The following PCBD2 variants were observed in gnomAD, a reference collection of about 807,000 sequenced individuals.
PCBD2 encodes the protein pterin-4-alpha-carbinolamine dehydratase 2.
In PCBD2, 12 loss-of-function variants were observed where a neutral mutation model predicts 16.4. The ratio of observed to expected loss-of-function variants is 0.73; its 90% CI spans 0.47 to 1.19. PCBD2 has a LOEUF of 1.19. Among genes scored for constraint, PCBD2 ranks in the 50% most tolerant of loss-of-function variants. PCBD2 has a pLI of 0.00. For synonymous variants in PCBD2, 58 were observed against 61.8 expected (o/e 0.94, Z 0.29); for missense variants, 138 against 156.8 (o/e 0.88, Z 0.64).
intron 2 of PCBD2, among the ~76,000 whole-genome samples, chr5:134,912,769 G>A (rs1750783941): frequency 6.6e-6 from 1 of 152,204 alleles, no homozygotes; most frequent in South Asian, 2.1e-4. Context: ...GTTGATGTTC[G>A]AAAGGAGAGC....
chr5:134,950,755 G>A (rs1191438389), intron 2 of PCBD2, among the ~76,000 whole-genome samples: 1 of 152,106 alleles, frequency 6.6e-6, no homozygotes, highest in Non-Finnish European at 1.5e-5. Context: ...TACATTCATT[G>A]ACTTGTTCAT....
At chr5:134,939,585 A>C (rs2149537084) in intron 2 of PCBD2, among the ~76,000 whole-genome samples, 1 of 152,160 alleles carries the variant, frequency 6.6e-6, no homozygotes, top group Non-Finnish European at 1.5e-5. Context: ...TCCATTCTTA[A>C]AACTTTAAAT....
chr5:134,926,922 G>GT, intron 2 of PCBD2: 2 of 398,298 alleles, frequency 5.0e-6, no homozygotes, highest in Non-Finnish European at 8.8e-6. Context: ...TAGGTTAATA[G>GT]TGGGGGGTAA....
chr5:134,926,507 G>A (rs1270042123), intron 2 of PCBD2: 4 of 394,732 alleles, frequency 1.0e-5, no homozygotes, highest in Non-Finnish European at 1.8e-5. Context: ...TAAGACCAAC[G>A]GATGGCTGTT....
intron 2 of PCBD2, chr5:134,925,881 G>A (rs1037466898): frequency 2.5e-6 from 1 of 393,352 alleles, no homozygotes; most frequent in Non-Finnish European, 4.5e-6. Flanking sequence ...CTCATGAGTT[G>A]GAGTGTAGGA....
intron 2 of PCBD2, among the ~76,000 whole-genome samples, chr5:134,919,964 C>T (rs1255056268): frequency 2.0e-5 from 3 of 152,172 alleles, no homozygotes; most frequent in African/African-American, 7.2e-5. Flanking sequence ...GATGGAGCAG[C>T]TGTAGTGGCT....
In PCBD2 at chr5:134,959,098, A is replaced by G. The variant is rs769366319; in HGVS notation, c.275A>G (p.Glu92Gly). The change falls in exon 3 of 4, where the codon GAA (glutamate) becomes GGA (glycine). Residue 92 changes from glutamate to glycine, a missense_variant. Coordinates refer to ENST00000254908, the MANE Select transcript of PCBD2 (RefSeq NM_032151.5). Reference sequence around the variant, plus strand: ...GCAGAGAAGATGAATCATCACCCAGAATGGTTCAATGTATACAACAAGGTA... The same window carrying G: ...GCAGAGAAGATGAATCATCACCCAGGATGGTTCAATGTATACAACAAGGTA... ...LQAEKMNHHP[E>G]WFNVYNKVQI... The G allele has an allele frequency of 3.7e-6, 6 of 1,613,654 alleles. No individual in the cohort carries two copies. Among genetic ancestry groups the G allele is most frequent in the Non-Finnish European group, 5.1e-6 (6 of 1,179,742 alleles).
chr5:134,932,154 A>G (rs1212937095), intron 2 of PCBD2, among the ~76,000 whole-genome samples: 1 of 152,112 alleles, frequency 6.6e-6, no homozygotes. Context: ...TTTAATTCTG[A>G]GTTTCTTTAA....
chr5:134,950,670 T>G (rs1451184786), intron 2 of PCBD2, among the ~76,000 whole-genome samples: 2 of 152,214 alleles, frequency 1.3e-5, no homozygotes, highest in East Asian at 3.8e-4. Context: ...CAAACTTCAT[T>G]GGCCCAATTT....
At chr5:134,944,019 C>T (rs997529110) in intron 2 of PCBD2, among the ~76,000 whole-genome samples, 1 of 152,192 alleles carries the variant, frequency 6.6e-6, no homozygotes, top group Non-Finnish European at 1.5e-5. Flanking sequence ...CAGAAAGCAA[C>T]ATTTGAAACC....
At chr5:134,931,112 G>C (rs1751089836) in intron 2 of PCBD2, among the ~76,000 whole-genome samples, 1 of 151,974 alleles carries the variant, frequency 6.6e-6, no homozygotes, top group Non-Finnish European at 1.5e-5. Context: ...TAAAGACAGG[G>C]TTTCACCGTG....
At position 134,905,183 on chromosome 5, in the gene PCBD2, T is replaced by G; in HGVS notation, c.44T>G (p.Leu15Trp). Residue 15 changes from leucine to tryptophan, a missense_variant, in exon 1 of 4, where the codon TTG (leucine) becomes TGG (tryptophan). Leu to Trp is a moderately conservative substitution (Grantham distance 61, BLOSUM62 -2). Transcript: ENST00000254908. ...GCGCTCGGGGCGACGCGGCGCTTGT[T>G]GGCGGCGCTGCGAGGCCAGAGCCTA... ...LGALGATRRL[L>W]AALRGQSLGL... The G allele has an allele frequency of 8.2e-7, 1 of 1,221,878 alleles. No individual in the cohort carries two copies. The highest frequency in any genetic ancestry group is 1.0e-6 in the Non-Finnish European group (1 of 982,500). 75.7% of individuals were successfully genotyped at this position (1,221,878 alleles called of 1,614,324 possible).
intron 2 of PCBD2, among the ~76,000 whole-genome samples, chr5:134,910,975 G>A (rs7735026): frequency 0.066 from 10,094 of 152,074 alleles, 744 homozygotes; most frequent in African/African-American, 0.19. Context: ...GTTTGGAGAG[G>A]CAGGGTCTGG....
intron 2 of PCBD2, among the ~76,000 whole-genome samples, chr5:134,910,677 T>A (rs1480438738): frequency 1.3e-5 from 2 of 152,266 alleles, no homozygotes; most frequent in Non-Finnish European, 2.9e-5. Context: ...GGGTGGTTTG[T>A]GTTACTTGGA....
At chr5:134,943,102 T>G (rs1238876527) in intron 2 of PCBD2, among the ~76,000 whole-genome samples, 1 of 152,166 alleles carries the variant, frequency 6.6e-6, no homozygotes, top group Admixed American at 6.6e-5. Context: ...GAAATGGAAT[T>G]GCTGGGATAA....
chr5:134,952,081 C>T (rs962608185), intron 2 of PCBD2, among the ~76,000 whole-genome samples: 10 of 150,220 alleles, frequency 6.7e-5, no homozygotes, highest in South Asian at 6.3e-4. Flanking sequence ...GATTGTTTTT[C>T]GGTGCCATTT....
intron 2 of PCBD2, chr5:134,927,848 G>A (rs1330051078): frequency 3.7e-6 from 1 of 268,730 alleles, no homozygotes; most frequent in Non-Finnish European, 6.9e-6. Context: ...TTAGGAGGGG[G>A]GTCGTTAGGG....
intron 2 of PCBD2, among the ~76,000 whole-genome samples, chr5:134,932,830 T>G (rs1751114976): frequency 6.6e-6 from 1 of 152,088 alleles, no homozygotes; most frequent in African/African-American, 2.4e-5. Flanking sequence ...AGCTTGTGGG[T>G]GAGTCTCTTC....
intron 2 of PCBD2, among the ~76,000 whole-genome samples, chr5:134,935,466 G>T (rs757827531): frequency 5.3e-5 from 8 of 152,102 alleles, no homozygotes; most frequent in Non-Finnish European, 7.3e-5. Context: ...TTATTTTGGG[G>T]TGTCATTATA....
Sources: allele counts gnomAD v4.1 joint callset (sites outside exome capture counted in the v4.1 genomes callset), GRCh38; gene constraint gnomAD v4.1.1; transcripts MANE v1.5; gene names NCBI Gene and HGNC (gene_info 2026-07-23, HGNC 2026-07-21).